RYR3: variants seen among roughly 807,000 people sequenced by gnomAD.
RYR3 encodes brain ryanodine receptor-calcium release channel.
Under a neutral mutation model 584.3 loss-of-function variants are expected in RYR3, and 207 were observed. The ratio of observed to expected loss-of-function variants is 0.35; its 90% CI spans 0.32 to 0.40. The LOEUF is 0.40. RYR3 is among the 10% of genes least tolerant of loss of function. RYR3 has a pLI of 1.00. For synonymous variants in RYR3, 2,416 were observed against 2,248.5 expected (o/e 1.07, Z -2.11); for missense variants, 5,616 against 6,089.2 (o/e 0.92, Z 2.59).
At chr15:33,695,980 C>T (rs1192149999) in intron 38 of RYR3, among the ~76,000 whole-genome samples, 1 of 110,236 alleles carries the variant, frequency 9.1e-6, no homozygotes, top group African/African-American at 3.3e-5. Flanking sequence ...TTTTTGGTAG[C>T]AACAGGGTCT....
intron 1 of RYR3, among the ~76,000 whole-genome samples, chr15:33,414,835 G>A (rs1470143585): frequency 1.3e-5 from 2 of 152,120 alleles, no homozygotes; most frequent in South Asian, 2.1e-4. Flanking sequence ...CTCGTGATCC[G>A]CCCACCTAAG....
chr15:33,680,004 G>A (rs1444164770), intron 38 of RYR3, among the ~76,000 whole-genome samples: 1 of 152,200 alleles, frequency 6.6e-6, no homozygotes, highest in African/African-American at 2.4e-5. Flanking sequence ...TCAGGTAGAT[G>A]TGCTTAGATT....
In RYR3 at chr15:33,740,034, G is replaced by A. The variant is rs772491940; in HGVS notation, c.7820+39G>A. The A allele has an allele frequency of 1.1e-5, 17 of 1,580,144 alleles. No individual in the cohort carries two copies. In the South Asian group the frequency reaches 1.7e-4, roughly 16 times the overall value. On this transcript the variant is annotated intron_variant, in intron 51 of 103. Transcript: ENST00000634891. ...CATCTCTGAGCTGGTGCTGTATTTT[G>A]TCCAATAGCCAATGTTTTCTTCCAG...
At chr15:33,455,032 A>T (rs1490293449) in intron 1 of RYR3, among the ~76,000 whole-genome samples, 1 of 152,206 alleles carries the variant, frequency 6.6e-6, no homozygotes, top group Non-Finnish European at 1.5e-5. Context: ...TGGGCTCAGT[A>T]AGGAAGCTAT....
chr15:33,705,444 A>G (rs983858056), intron 42 of RYR3, among the ~76,000 whole-genome samples: 1 of 152,158 alleles, frequency 6.6e-6, no homozygotes, highest in Non-Finnish European at 1.5e-5. Flanking sequence ...AAAATCTTAA[A>G]AAACACCATC....
In RYR3 at chr15:33,658,341, C is replaced by T. The variant is rs183933627; in HGVS notation, c.4309-1379C>T. 2.2e-3 allele frequency among the ~76,000 whole-genome samples: 329 copies of T among 152,348 alleles called. 1 individual carries two copies. Among genetic ancestry groups the T allele is most frequent in the Admixed American group, 6.3e-3 (97 of 15,306 alleles). On this transcript the variant is annotated intron_variant, in intron 32 of 103. Transcript: ENST00000634891. ...CTTCCGCCCCCAAGAATTCCTTGTT[C>T]CGTGGCCCTCTCGTAAGCCTTCTAA...
At chr15:33,849,880 T>G (rs955968548) in intron 94 of RYR3, 1 of 152,222 alleles carries the variant, frequency 6.6e-6, no homozygotes, top group Non-Finnish European at 1.5e-5. Flanking sequence ...AGGCACATCC[T>G]CACATCCTAA....
chr15:33,631,173 C>T, intron 22 of RYR3, 37 bp from the exon 23 acceptor site: 1 of 1,264,016 alleles, frequency 7.9e-7, no homozygotes, highest in South Asian at 1.3e-5. Flanking sequence ...CCTAACACTG[C>T]AGTTAACCTT....
At chr15:33,657,419 G>GT (rs915332148) in intron 32 of RYR3, among the ~76,000 whole-genome samples, 1 of 152,180 alleles carries the variant, frequency 6.6e-6, no homozygotes, top group African/African-American at 2.4e-5. Flanking sequence ...TCCAGATGAA[G>GT]TTTCCTCAGC....
At chr15:33,427,954 C>T (rs1413252818) in intron 1 of RYR3, among the ~76,000 whole-genome samples, 5 of 152,212 alleles carry the variant, frequency 3.3e-5, no homozygotes, top group African/African-American at 4.8e-5. Context: ...TTGCTGAAGC[C>T]TTTCTGAAAT....
intron 60 of RYR3, among the ~76,000 whole-genome samples, chr15:33,758,430 G>A (rs1002350622): frequency 6.6e-6 from 1 of 152,142 alleles, no homozygotes; most frequent in Non-Finnish European, 1.5e-5. Context: ...GTCTGAAGTC[G>A]ACCTGGGACA....
intron 60 of RYR3, among the ~76,000 whole-genome samples, chr15:33,758,845 T>C (rs926731649): frequency 1.3e-5 from 2 of 152,198 alleles, no homozygotes; most frequent in Non-Finnish European, 2.9e-5. Flanking sequence ...TGCCTCCTGA[T>C]GGGGAGAAAC....
chr15:33,758,932 G>T (rs1039157992), intron 60 of RYR3, among the ~76,000 whole-genome samples: 19 of 152,204 alleles, frequency 1.2e-4, no homozygotes, highest in African/African-American at 3.9e-4. Flanking sequence ...CTGAGACAAA[G>T]CTTCCAGAGG....
chr15:33,662,690 C>T lies in RYR3; in HGVS notation c.5160C>T (p.Phe1720=), dbSNP rs746347118. Residue 1720 remains phenylalanine, a synonymous_variant, in exon 35 of 104, where the codon TTC becomes TTT. Coordinates refer to ENST00000634891, the MANE Select transcript of RYR3 (RefSeq NM_001036.6). ...IRDPVGGSVE[F]QFVPVLKLIG... ...ACCCTGTAGGGGGGTCTGTGGAGTT[C>T]CAGTTTGTGCCTGTGCTGAAACTCA... is the stretch of plus-strand genomic sequence containing the variant. 3.1e-6 allele frequency: 5 copies of T among 1,614,130 alleles called. No individual in the cohort carries two copies. The highest frequency in any genetic ancestry group is 4.2e-6 in the Non-Finnish European group (5 of 1,180,010).
rs768023171 is a variant in RYR3 at position 33,413,369 on chromosome 15, TAAACC to T, written c.52-60046_52-60042del. Among the ~76,000 whole-genome samples the T allele has an allele frequency of 2.4e-4, 36 of 152,328 alleles. 1 individual carries two copies. Among genetic ancestry groups the T allele is most frequent in the Admixed American group, 1.6e-3 (25 of 15,308 alleles). Reference sequence around the variant, plus strand: ...CTTCCAAAAAGGTGTGAAGAACTCTTAAACCAAAGCAAGAGAAAACAGTCCAATTC... The same window carrying T: ...CTTCCAAAAAGGTGTGAAGAACTCTTAAAGCAAGAGAAAACAGTCCAATTC... On this transcript the variant is annotated intron_variant, in intron 1 of 103. Transcript: ENST00000634891.
chr15:33,344,990 C>T (rs1972269698), intron 1 of RYR3, among the ~76,000 whole-genome samples: 1 of 152,180 alleles, frequency 6.6e-6, no homozygotes, highest in Admixed American at 6.5e-5. Context: ...GAGGCTTGCA[C>T]AGATGTGAAC....
chr15:33,527,130 T>C (rs1215226282), intron 3 of RYR3, among the ~76,000 whole-genome samples: 1 of 152,088 alleles, frequency 6.6e-6, no homozygotes, highest in East Asian at 1.9e-4. Flanking sequence ...AACCAGGTCA[T>C]ACAGGGCAGT....
rs2052191625 is a variant in RYR3, at chr15:33,503,521, C to T, written c.172-110C>T. ...GCCACCTTTTTGCATTCCTATTCAT[C>T]CATCCAACTGTCATTTTGATTCATA... On this transcript the variant is annotated intron_variant, in intron 2 of 103. Transcript: ENST00000634891. 2.9e-5 allele frequency: 19 copies of T among 657,054 alleles called. No homozygotes were observed. The Admixed American group carries it at 5.0e-4, about 17-fold the overall frequency. 40.7% of individuals were successfully genotyped at this position (657,054 alleles called of 1,614,324 possible).
At chr15:33,678,741 G>A (rs905610804) in intron 38 of RYR3, among the ~76,000 whole-genome samples, 4 of 152,190 alleles carry the variant, frequency 2.6e-5, no homozygotes, top group South Asian at 2.1e-4. Flanking sequence ...ATACCATCAC[G>A]CGCCTCGAGG....
Sources: gnomAD v4.1 joint callset for allele counts (sites outside exome capture counted in the v4.1 genomes callset) on GRCh38, gnomAD v4.1.1 for gene constraint, MANE v1.5 for transcripts, NCBI Gene and HGNC (gene_info 2026-07-23, HGNC 2026-07-21) for gene names.